Variants in ZSCAN20 observed in about 807,000 individuals in gnomAD.
ZSCAN20 encodes the protein zinc finger and SCAN domain-containing protein 20.
ZSCAN20 carries 39 observed loss-of-function variants against 97.1 expected under a neutral mutation model. That is an observed-to-expected ratio of 0.40 (90% confidence interval 0.31 to 0.52). The LOEUF is 0.52. Among genes scored for constraint, ZSCAN20 ranks in the 20% least tolerant of loss-of-function variants. ZSCAN20 has a pLI of 0.49. For synonymous variants in ZSCAN20, 456 were observed against 467.3 expected, an observed-to-expected ratio of 0.98 and a Z score of 0.31; for missense variants, 1,115 against 1,290.4, an observed-to-expected ratio of 0.86 and a Z score of 2.08.
In ZSCAN20 at chr1:33,491,052, C is replaced by A. The variant is rs1652582197; in HGVS notation, c.794C>A (p.Thr265Asn). ...LGVPVSKPSN[T>N]SEKEQGPEFW... The stretch of plus-strand genomic sequence containing the variant: ...GTTCCAGTTTCAAAACCAAGTAATA[C>A]CTCCGAGAAAGAGCAAGGACCAGAG... The change falls in exon 6 of 8, where the codon ACC becomes AAC. Residue 265 changes from threonine to asparagine, a missense_variant. Physicochemically the swap from Thr to Asn is moderately conservative, Grantham distance 65 (BLOSUM62 0). Transcript: ENST00000684572. The surrounding 1 kb of genome is among the most constrained non-coding windows in gnomAD (Gnocchi z 4.3). The A allele has an allele frequency of 1.2e-6, 2 of 1,605,132 alleles. No individual in the cohort carries two copies. Among genetic ancestry groups the A allele is most frequent in the Non-Finnish European group, 8.5e-7 (1 of 1,177,134 alleles).
At chr1:33,475,426 ATC>A (rs1289899229) in intron 1 of ZSCAN20, among the ~76,000 whole-genome samples, 2 of 152,220 alleles carry the variant, frequency 1.3e-5, no homozygotes, top group Non-Finnish European at 2.9e-5. Flanking sequence ...AAATAAACTA[ATC>A]AGCACAGCTG....
In ZSCAN20 at chr1:33,497,596, G is replaced by A. The variant is rs929970271; in HGVS notation, c.*2120G>A. ...CCCGGGGCAATGTTCAGATGTGCAT[G>A]GTTGAAATCTGACAGCTGAATGGAA... On this transcript the variant is annotated 3_prime_UTR_variant, in exon 8 of 8. Coordinates refer to ENST00000684572, the MANE Select transcript of ZSCAN20 (RefSeq NM_001377376.1). 6.6e-6 allele frequency among the ~76,000 whole-genome samples: 1 copy of A among 152,168 alleles called. No individual in the cohort carries two copies. Among genetic ancestry groups the A allele is most frequent in the African/African-American group, 2.4e-5 (1 of 41,436 alleles).
chr1:33,474,366 T>C (rs547704713), intron 1 of ZSCAN20, among the ~76,000 whole-genome samples: 2 of 152,346 alleles, frequency 1.3e-5, no homozygotes, highest in South Asian at 4.1e-4. Context: ...GTTTTTTCTC[T>C]TTGGAGGTCA....
chr1:33,479,863 C>G (rs550161606), intron 2 of ZSCAN20, among the ~76,000 whole-genome samples, 158 bp downstream of exon 2: 1 of 152,326 alleles, frequency 6.6e-6, no homozygotes, highest in African/African-American at 2.4e-5. Context: ...GTTCTAAGTG[C>G]TTTACATGTA....
rs975190789 is a variant in ZSCAN20, at chr1:33,499,764, C to T, written c.*4288C>T. On this transcript the variant is annotated 3_prime_UTR_variant, in exon 8 of 8. Coordinates refer to ENST00000684572, the MANE Select transcript of ZSCAN20 (RefSeq NM_001377376.1). ...ATTAATCATTCAAAATATTCCCTTACCCCATTTTTTTTGGGGGGGAGATGG... is the reference window on the plus strand; with the variant it reads ...ATTAATCATTCAAAATATTCCCTTATCCCATTTTTTTTGGGGGGGAGATGG... Among the ~76,000 whole-genome samples, 26 of 152,112 alleles carry T rather than the reference C, an allele frequency of 1.7e-4. No homozygotes were observed. The highest frequency in any genetic ancestry group is 6.0e-4 in the African/African-American group (25 of 41,404).
intron 5 of ZSCAN20, among the ~76,000 whole-genome samples, chr1:33,490,439 AT>A (rs1215682619): frequency 6.6e-6 from 1 of 152,140 alleles, no homozygotes; most frequent in Non-Finnish European, 1.5e-5. Flanking sequence ...AAGGAAATTT[AT>A]TTTCTCACAT....
intron 1 of ZSCAN20, among the ~76,000 whole-genome samples, chr1:33,474,135 C>T (rs913578604): frequency 6.6e-6 from 1 of 152,220 alleles, no homozygotes; most frequent in Non-Finnish European, 1.5e-5. Flanking sequence ...CCCTGGCAGT[C>T]ATGGCTAATT....
Position 33,495,076 on chromosome 1 carries a change from G to C in ZSCAN20, c.2732G>C (p.Ser911Thr), listed in dbSNP as rs781100616. The change falls in exon 8 of 8, where the codon AGC becomes ACC. Residue 911 changes from serine (S) to threonine (T), a missense_variant. This residue lies in a region of ZSCAN20 where 554 missense variants were observed against 584.9 expected (regional missense o/e 0.95). Coordinates refer to ENST00000684572, the MANE Select transcript of ZSCAN20 (RefSeq NM_001377376.1). ...KPYECAECGK[S>T]FSKSSTLANH... ...TATGAATGTGCCGAATGTGGGAAAA[G>C]CTTCAGTAAGAGCTCCACCCTGGCC... 2.5e-6 allele frequency: 4 copies of C among 1,612,130 alleles called. No individual in the cohort carries two copies. In the East Asian group the frequency reaches 6.7e-5, roughly 27 times the overall value.
rs1050837402 is a variant in ZSCAN20, at chr1:33,498,990, G to C, written c.*3514G>C. The stretch of plus-strand genomic sequence containing the variant: ...TGAACTCATGGTCATGGCTGCCTTG[G>C]CCTTATTGTCCACTGTAGCCTCCTC... On this transcript the variant is annotated 3_prime_UTR_variant, in exon 8 of 8. Coordinates refer to ENST00000684572, the MANE Select transcript of ZSCAN20 (RefSeq NM_001377376.1). Among the ~76,000 whole-genome samples, 1 of 152,210 alleles carries C rather than the reference G, an allele frequency of 6.6e-6. No homozygotes were observed. Among genetic ancestry groups the C allele is most frequent in the African/African-American group, 2.4e-5 (1 of 41,464 alleles).
chr1:33,494,566 T>C lies in ZSCAN20; in HGVS notation c.2222T>C (p.Leu741Pro), dbSNP rs1271128502. The C allele has an allele frequency of 1.2e-6, 2 of 1,613,934 alleles. No individual in the cohort carries two copies. The highest frequency in any genetic ancestry group is 3.3e-5 in the Admixed American group (2 of 60,012). The change falls in exon 8 of 8, where the codon CTT (leucine) becomes CCT (proline). Residue 741 changes from leucine to proline, a missense_variant. By Grantham distance (98) the Leu-to-Pro change is moderately conservative (BLOSUM62 -3). This residue lies in a region of ZSCAN20 where 554 missense variants were observed against 584.9 expected (regional missense o/e 0.95). Coordinates refer to ENST00000684572, the MANE Select transcript of ZSCAN20 (RefSeq NM_001377376.1). ...IHTGEKPYKC[L>P]ECGKNFSDRS... ...ACAGGTGAGAAGCCCTACAAATGCC[T>C]TGAATGTGGAAAAAACTTTAGTGAC...
intron 3 of ZSCAN20, 80 bp from the exon 4 acceptor site, chr1:33,489,035 C>G: frequency 8.0e-7 from 1 of 1,256,442 alleles, no homozygotes; most frequent in Non-Finnish European, 1.1e-6. Flanking sequence ...CCAAGTGTTA[C>G]TTTTGGAAAG....
At position 33,493,160 on chromosome 1, in the gene ZSCAN20, C is replaced by T. The variant is rs1234280304; in HGVS notation, c.1445-27C>T. 1.2e-6 allele frequency: 2 copies of T among 1,603,472 alleles called. No individual in the cohort carries two copies. The highest frequency in any genetic ancestry group is 1.3e-5 in the African/African-American group (1 of 74,788). ...CCTAGGCACATCTCATTAAGTCTCA[C>T]AGTTCTCAACTCTTCACTCCTGACA... On this transcript the variant is annotated intron_variant, in intron 6 of 7. Coordinates refer to ENST00000684572, the MANE Select transcript of ZSCAN20 (RefSeq NM_001377376.1). The surrounding 1 kb of genome is among the most constrained non-coding windows in gnomAD (Gnocchi z 4.3).
At chr1:33,490,576 T>C (rs1354283813) in intron 5 of ZSCAN20, among the ~76,000 whole-genome samples, 1 of 152,046 alleles carries the variant, frequency 6.6e-6, no homozygotes, top group Non-Finnish European at 1.5e-5. Context: ...AAAGCTGTTT[T>C]GTTTCATGGT....
Position 33,493,161 on chromosome 1 carries a change from A to C in ZSCAN20, c.1445-26A>C. ...CTAGGCACATCTCATTAAGTCTCAC[A>C]GTTCTCAACTCTTCACTCCTGACAG... On this transcript the variant is annotated intron_variant, in intron 6 of 7. Transcript: ENST00000684572. This position sits in a 1 kb window ranked among gnomAD's most constrained non-coding sequence, Gnocchi z 4.3. 6.2e-7 allele frequency: 1 copy of C among 1,604,092 alleles called. No individual in the cohort carries two copies. The highest frequency in any genetic ancestry group is 8.5e-7 in the Non-Finnish European group (1 of 1,172,366).
chr1:33,490,941 AAAGATAG>A, intron 5 of ZSCAN20, 77 bp from the exon 6 acceptor site: 2 of 1,332,324 alleles, frequency 1.5e-6, no homozygotes, highest in Non-Finnish European at 1.0e-6. Flanking sequence ...CTTGCAAGGA[AAAGATAG>A]AAGTTTCAGG....
At chr1:33,489,225 T>C (rs1323078081) in intron 4 of ZSCAN20, 34 bp downstream of exon 4, 2 of 1,598,734 alleles carry the variant, frequency 1.3e-6, no homozygotes, top group South Asian at 2.2e-5. Flanking sequence ...TTCCTGTCAT[T>C]GCTGCTCCTG....
In ZSCAN20 at chr1:33,495,089, C is replaced by G. The variant is rs1652803971; in HGVS notation, c.2745C>G (p.Ser915Arg). The G allele has an allele frequency of 6.2e-7, 1 of 1,612,566 alleles. No individual in the cohort carries two copies. Among genetic ancestry groups the G allele is most frequent in the East Asian group, 2.2e-5 (1 of 44,822 alleles). Residue 915 changes from serine (S) to arginine (R), a missense_variant, in exon 8 of 8, where the codon AGC becomes AGG. By Grantham distance (110) the Ser-to-Arg change is moderately radical (BLOSUM62 -1). Transcript: ENST00000684572. ...CAECGKSFSKSSTLANHQRTH... is the reference protein window; with the variant it reads ...CAECGKSFSKRSTLANHQRTH... ...AATGTGGGAAAAGCTTCAGTAAGAGCTCCACCCTGGCCAACCACCAGCGCA... is the reference window on the plus strand; with the variant it reads ...AATGTGGGAAAAGCTTCAGTAAGAGGTCCACCCTGGCCAACCACCAGCGCA...
chr1:33,495,157 A>G lies in ZSCAN20; in HGVS notation c.2813A>G (p.Lys938Arg). ...EKPYKCVDCGKCFSERSKLIT... is the reference protein window; with the variant it reads ...EKPYKCVDCGRCFSERSKLIT... ...CCGTATAAATGTGTGGACTGTGGGA[A>G]GTGCTTCAGTGAGCGCTCCAAGCTC... Residue 938 changes from lysine (K) to arginine (R), a missense_variant, in exon 8 of 8, where the codon AAG becomes AGG. Lys to Arg is a conservative substitution (Grantham distance 26). Coordinates refer to ENST00000684572, the MANE Select transcript of ZSCAN20 (RefSeq NM_001377376.1). 6.2e-7 allele frequency: 1 copy of G among 1,614,058 alleles called. No individual in the cohort carries two copies.
rs1228569680 is a variant in ZSCAN20, at chr1:33,500,592, G to A, written c.*5116G>A. ...TTGATTTTCTAATGAGGGCGCTGTT[G>A]GTGATTCTTTTTGTGTGTAAAGATG... On this transcript the variant is annotated 3_prime_UTR_variant, in exon 8 of 8. Coordinates refer to ENST00000684572, the MANE Select transcript of ZSCAN20 (RefSeq NM_001377376.1). 6.6e-6 allele frequency among the ~76,000 whole-genome samples: 1 copy of A among 151,336 alleles called. No individual in the cohort carries two copies. The highest frequency in any genetic ancestry group is 1.5e-5 in the Non-Finnish European group (1 of 67,972).
Sources: allele counts gnomAD v4.1 joint callset (sites outside exome capture counted in the v4.1 genomes callset), GRCh38; gene constraint gnomAD v4.1.1; regional missense constraint gnomAD v4.1.1; non-coding constraint Gnocchi (gnomAD v3.1); transcripts MANE v1.5; gene names NCBI Gene and HGNC (gene_info 2026-07-23, HGNC 2026-07-21).